CHMP7: variants seen among roughly 807,000 people sequenced by gnomAD.
CHMP7 encodes the protein charged multivesicular body protein 7, also known as CHMP family, member 7.
Under a neutral mutation model 53.7 loss-of-function variants are expected in CHMP7, and 15 were observed. The observed-to-expected ratio is 0.28, with a 90% confidence interval of 0.19 to 0.43. The LOEUF is 0.43. CHMP7 is among the 20% of genes least tolerant of loss of function. CHMP7 has a pLI of 1.00. For missense variants in CHMP7, 527 were observed against 569.4 expected, an observed-to-expected ratio of 0.93 and a Z score of 0.76; for synonymous variants, 261 against 228.0, an observed-to-expected ratio of 1.14 and a Z score of -1.30.
chr8:23,260,148 T>C lies in CHMP7; in HGVS notation c.1125T>C (p.Phe375=), dbSNP rs1471293486. ...TATGTTGTCTTTTCTTTCCAGATTT[T>C]GACAGTGAAGAACTGGAGAAGGAAT... ...LAGGVTNGLD[F]DSEELEKELD... Residue 375 remains phenylalanine (F), a synonymous_variant, in exon 10 of 11, where the codon TTT becomes TTC. Transcript: ENST00000397677. The C allele has an allele frequency of 1.2e-6, 2 of 1,613,704 alleles. No individual in the cohort carries two copies. The highest frequency in any genetic ancestry group is 1.7e-6 in the Non-Finnish European group (2 of 1,179,606).
rs1802135607 is a variant in CHMP7, at chr8:23,256,611, A to G, written c.791+18A>G. 1 of 1,611,124 alleles carries G rather than the reference A, an allele frequency of 6.2e-7. No individual in the cohort carries two copies. On this transcript the variant is annotated intron_variant, in intron 5 of 10. Transcript: ENST00000397677. ...GCAGAGAGGTAACTTTTAACCCTGA[A>G]CTGAGCCTCCTCCCCACTGTTGCTG...
In CHMP7 at chr8:23,246,337, C is replaced by A. The variant is rs1270543700; in HGVS notation, c.-359C>A. The A allele has an allele frequency of 8.4e-6, 2 of 238,448 alleles. No individual in the cohort carries two copies. Among genetic ancestry groups the A allele is most frequent in the African/African-American group, 2.3e-5 (1 of 43,566 alleles). The allele number at this position is 238,448 out of a possible 1,614,324, so 14.8% of individuals were successfully genotyped here. ...TCCCCAGTTCCATTTTCTGAAGCCA[C>A]AGGTCAGAAGCCGCTGTACAACGCT... is the stretch of plus-strand genomic sequence containing the variant. On this transcript the variant is annotated 5_prime_UTR_variant, in exon 2 of 11. Coordinates refer to ENST00000397677, the MANE Select transcript of CHMP7 (RefSeq NM_152272.5).
rs924392697 is a variant in CHMP7, at chr8:23,255,273, G to A, written c.498G>A (p.Leu166=). 9.9e-6 allele frequency: 16 copies of A among 1,614,038 alleles called. No individual in the cohort carries two copies. The highest frequency in any genetic ancestry group is 1.3e-5 in the African/African-American group (1 of 74,932). Residue 166 remains leucine, a synonymous_variant, in exon 4 of 11, where the codon CTG becomes CTA. Coordinates refer to ENST00000397677, the MANE Select transcript of CHMP7 (RefSeq NM_152272.5). The stretch of plus-strand genomic sequence containing the variant: ...AAAAGGCTGAGGAGGTGTATCGTCT[G>A]TATCAGAACTCGCCCCTCTCCTCCC... ...LKEKAEEVYR[L]YQNSPLSSHP...
intron 3 of CHMP7, among the ~76,000 whole-genome samples, chr8:23,251,145 A>G (rs747868088): frequency 1.7e-4 from 26 of 152,184 alleles, no homozygotes; most frequent in Non-Finnish European, 2.6e-4. Context: ...GAGGAGAGGT[A>G]AACCCATGGA....
chr8:23,251,397 G>A (rs1801925315), intron 3 of CHMP7, among the ~76,000 whole-genome samples: 1 of 152,314 alleles, frequency 6.6e-6, no homozygotes, highest in East Asian at 1.9e-4. Context: ...TTGTGTGAGA[G>A]TGCGTGAGTG....
At chr8:23,247,273 A>G (rs976000233) in intron 2 of CHMP7, among the ~76,000 whole-genome samples, 1 of 152,166 alleles carries the variant, frequency 6.6e-6, no homozygotes, top group African/African-American at 2.4e-5. Flanking sequence ...AGGTGACAGT[A>G]ATTTGCCTGG....
chr8:23,244,117 A>C (rs1346179903), intron 1 of CHMP7, among the ~76,000 whole-genome samples: 1 of 151,948 alleles, frequency 6.6e-6, no homozygotes. Flanking sequence ...TTCTCTTCAC[A>C]GTGTCTTTCA....
chr8:23,243,918 T>A (rs1436906522), intron 1 of CHMP7, 74 bp downstream of exon 1: 4 of 152,248 alleles, frequency 2.6e-5, no homozygotes, highest in Non-Finnish European at 5.9e-5. Flanking sequence ...TATTATCATA[T>A]ACTTATTTGC....
rs1004952527 is a variant in CHMP7, at chr8:23,260,619, C to G, written c.*20C>G. 6.2e-7 allele frequency: 1 copy of G among 1,600,558 alleles called. No homozygotes were observed. Among genetic ancestry groups the G allele is most frequent in the Admixed American group, 1.7e-5 (1 of 60,002 alleles). On this transcript the variant is annotated 3_prime_UTR_variant, in exon 11 of 11. Coordinates refer to ENST00000397677, the MANE Select transcript of CHMP7 (RefSeq NM_152272.5). ...TTGTAGGACCCTCAAGTGAAGGACC[C>G]TCATGTAAAAGAGAGACCAGGCTTG... is the stretch of plus-strand genomic sequence containing the variant.
chr8:23,250,438 A>G (rs1264250359), intron 3 of CHMP7, among the ~76,000 whole-genome samples: 2 of 151,834 alleles, frequency 1.3e-5, no homozygotes, highest in African/African-American at 4.8e-5. Flanking sequence ...AAACCCACTC[A>G]ATGCTTTTCC....
At chr8:23,257,384 CTG>C (rs1802177944) in intron 5 of CHMP7, among the ~76,000 whole-genome samples, 1 of 152,194 alleles carries the variant, frequency 6.6e-6, no homozygotes, top group Admixed American at 6.5e-5. Context: ...GGGTGAGCCA[CTG>C]TGCCCAGCTG....
chr8:23,257,105 T>C (rs900873827), intron 5 of CHMP7, among the ~76,000 whole-genome samples: 2 of 150,068 alleles, frequency 1.3e-5, no homozygotes, highest in Admixed American at 6.6e-5. Flanking sequence ...TTTTTTTTTT[T>C]TTTCCTCAAT....
intron 5 of CHMP7, 96 bp downstream of exon 5, chr8:23,256,689 G>GTTTT: frequency 3.0e-5 from 21 of 697,488 alleles, no homozygotes; most frequent in South Asian, 1.1e-4. Context: ...AAAATAGGTG[G>GTTTT]GTTTTTTTTT....
intron 6 of CHMP7, 106 bp from the exon 7 acceptor site, chr8:23,258,224 T>C (rs1802215866): frequency 3.3e-6 from 5 of 1,523,146 alleles, no homozygotes; most frequent in Non-Finnish European, 3.6e-6. Flanking sequence ...ATTTTACAGA[T>C]GGGAGGGAAG....
intron 3 of CHMP7, among the ~76,000 whole-genome samples, chr8:23,254,185 C>CCTCTTTT (rs1554528473): frequency 7.4e-6 from 1 of 134,930 alleles, no homozygotes; most frequent in African/African-American, 3.2e-5. Flanking sequence ...TTCTGCTCAA[C>CCTCTTTT]TTTTTTTTTT....
In CHMP7 at chr8:23,250,545, T is replaced by G. The variant is rs139650104; in HGVS notation, c.471+1164T>G. Among the ~76,000 whole-genome samples the G allele has an allele frequency of 3.6e-4, 54 of 151,408 alleles. No homozygotes were observed. In the East Asian group the frequency reaches 0.01, roughly 28 times the overall value. On this transcript the variant is annotated intron_variant, in intron 3 of 10. Transcript: ENST00000397677. ...TGTGTCACCACTTCCTACCTCCCAT[T>G]CACTCTGTCATCTGGTGCAGACCTG...
intron 5 of CHMP7, among the ~76,000 whole-genome samples, chr8:23,257,181 C>CT (rs1802169706): frequency 6.7e-6 from 1 of 149,832 alleles, no homozygotes. Context: ...TCACTGCAGT[C>CT]TAACTCCTGA....
At chr8:23,254,829 G>T in intron 3 of CHMP7, 1 of 262,454 alleles carries the variant, frequency 3.8e-6, no homozygotes, top group Non-Finnish European at 7.5e-6. Flanking sequence ...ACCCTCTTCA[G>T]AGAGTGATAC....
rs898542648 is a variant in CHMP7 at position 23,246,614 on chromosome 8, G to A, written c.-82G>A. ...TGTGAACGAGAAGGAGGTGGTCAAG[G>A]AACGGAAGCCGGGAGGGAACGAGGG... On this transcript the variant is annotated 5_prime_UTR_variant, in exon 2 of 11. Transcript: ENST00000397677. 57 of 1,241,290 alleles carry A rather than the reference G, an allele frequency of 4.6e-5. No homozygotes were observed. The highest frequency in any genetic ancestry group is 6.0e-5 in the Non-Finnish European group (54 of 900,092). 76.9% of individuals were successfully genotyped at this position (1,241,290 alleles called of 1,614,324 possible).
Sources: allele counts gnomAD v4.1 joint callset (sites outside exome capture counted in the v4.1 genomes callset), GRCh38; gene constraint gnomAD v4.1.1; transcripts MANE v1.5; gene names NCBI Gene and HGNC (gene_info 2026-07-23, HGNC 2026-07-21).